SMCO2: variants seen among roughly 807,000 people sequenced by gnomAD.
SMCO2 encodes the protein single-pass membrane and coiled-coil domain-containing protein 2.
A neutral mutation model predicts 29.5 loss-of-function variants in SMCO2; 25 were observed. That is an observed-to-expected ratio of 0.85 (90% confidence interval 0.62 to 1.18). The LOEUF (loss-of-function observed/expected upper bound fraction) is 1.18. SMCO2 is among the 50% of genes most tolerant of loss of function. The pLI, the probability that SMCO2 is intolerant of heterozygous loss-of-function variation, is 0.00. For synonymous variants in SMCO2, 117 were observed against 123.3 expected (o/e 0.95, Z 0.34); for missense variants, 348 against 344.5 (o/e 1.01, Z -0.08).
At chr12:27,445,700 C>T in the SMCO2 span, among the ~76,000 whole-genome samples, 13,364 of 152,244 alleles carry the variant, frequency 0.088, 967 homozygotes, top group African/African-American at 0.2. Flanking sequence ...AGCAAGACCA[C>T]TTACCTTTCC....
the SMCO2 span, among the ~76,000 whole-genome samples, chr12:27,427,229 T>C: frequency 1.3e-5 from 2 of 152,236 alleles, no homozygotes; most frequent in African/African-American, 4.8e-5. Flanking sequence ...TTTTCAAATT[T>C]ATTTGCATCA....
chr12:27,490,973 A>G (rs1949730612), intron 5 of SMCO2, among the ~76,000 whole-genome samples: 1 of 152,162 alleles, frequency 6.6e-6, no homozygotes, highest in Non-Finnish European at 1.5e-5. Flanking sequence ...CAAAAACAAC[A>G]AAATAAATAA....
exon 5 of SMCO2, chr12:27,488,523 C>T (rs890995265): frequency 1.3e-6 from 2 of 1,539,956 alleles, no homozygotes; most frequent in South Asian, 1.2e-5. Flanking sequence ...GGGGCCTTGA[C>T]CTTGATCAAG....
At chr12:27,499,840 C>T (rs966963492) in intron 7 of SMCO2, among the ~76,000 whole-genome samples, 1 of 150,420 alleles carries the variant, frequency 6.6e-6, no homozygotes, top group African/African-American at 2.5e-5. Context: ...TGGATTAATT[C>T]AATCATTATG....
chr12:27,484,557 C>T (rs369227021), intron 4 of SMCO2, among the ~76,000 whole-genome samples: 5 of 151,976 alleles, frequency 3.3e-5, no homozygotes, highest in East Asian at 3.8e-4. Context: ...ATCTGGTTTG[C>T]GTTGTGCCTG....
intron 3 of SMCO2, chr12:27,473,134 T>C (rs1453229047): frequency 5.3e-6 from 2 of 375,036 alleles, no homozygotes; most frequent in East Asian, 5.5e-5. Context: ...TATATGTTAT[T>C]TTTGTCCTCG....
chr12:27,475,834 A>G, intron 4 of SMCO2, 103 bp downstream of exon 5: 2 of 1,124,020 alleles, frequency 1.8e-6, no homozygotes, highest in Non-Finnish European at 2.3e-6. Flanking sequence ...TTTAGGCCAT[A>G]GGTATACTTT....
chr12:27,456,294 TA>T, the SMCO2 span, among the ~76,000 whole-genome samples: 3 of 152,224 alleles, frequency 2.0e-5, no homozygotes, highest in Admixed American at 1.3e-4. Context: ...AACACATGGA[TA>T]AATGTCCTTG....
the SMCO2 span, among the ~76,000 whole-genome samples, chr12:27,460,678 G>A: frequency 1.3e-5 from 2 of 152,064 alleles, no homozygotes; most frequent in Non-Finnish European, 2.9e-5. Flanking sequence ...AGGCACACTC[G>A]GGGTAACTTT....
chr12:27,462,853 T>C (rs946988378), upstream of SMCO2, among the ~76,000 whole-genome samples: 1 of 152,236 alleles, frequency 6.6e-6, no homozygotes, highest in Non-Finnish European at 1.5e-5. Flanking sequence ...TAAGTTTACT[T>C]CCTGAAATCT....
chr12:27,500,633 T>G (rs1381550670), intron 7 of SMCO2, among the ~76,000 whole-genome samples: 2 of 150,822 alleles, frequency 1.3e-5, no homozygotes, highest in African/African-American at 5.0e-5. Context: ...CTAGATAGTT[T>G]TCGTAGTGAG....
At chr12:27,445,574 G>A in the SMCO2 span, among the ~76,000 whole-genome samples, 3 of 152,236 alleles carry the variant, frequency 2.0e-5, no homozygotes, top group South Asian at 2.1e-4. Context: ...AACTTGCAAC[G>A]TAAACTATAT....
At position 27,472,625 on chromosome 12, in the gene SMCO2, T is replaced by C. The variant is rs529768131; in HGVS notation, c.135-151T>C. ...GTGAGATATAATATGTGAGGTGTTA[T>C]TCACCCAGAAAGAACTCAGTACAAG... is the stretch of plus-strand genomic sequence containing the variant. On this transcript the variant is annotated intron_variant, in intron 2 of 7. Coordinates refer to ENST00000298876, the Ensembl canonical transcript of SMCO2. The C allele has an allele frequency of 1.5e-5, 8 of 529,942 alleles. No homozygotes were observed. The Admixed American group carries it at 2.5e-4, about 16-fold the overall frequency. 32.8% of individuals were successfully genotyped at this position (529,942 alleles called of 1,614,324 possible). A position where few individuals can be genotyped will look rare whatever the true frequency, so the allele number is the denominator to read the frequency against.
At chr12:27,458,655 G>A in the SMCO2 span, among the ~76,000 whole-genome samples, 1 of 152,144 alleles carries the variant, frequency 6.6e-6, no homozygotes, top group Non-Finnish European at 1.5e-5. Flanking sequence ...GGAGGCCAAC[G>A]TGGGCGGATC....
chr12:27,458,889 A>G, the SMCO2 span, among the ~76,000 whole-genome samples: 2 of 114,280 alleles, frequency 1.8e-5, no homozygotes, highest in African/African-American at 3.4e-5. Flanking sequence ...CTCTATCTCG[A>G]AAAAAAAAAA....
At chr12:27,470,868 A>C in intron 2 of SMCO2, 103 bp downstream of exon 2, 1 of 1,285,284 alleles carries the variant, frequency 7.8e-7, no homozygotes, top group Non-Finnish European at 1.1e-6. Flanking sequence ...TTCAGAGTCT[A>C]GGTTGACAGT....
At chr12:27,448,792 C>T in the SMCO2 span, among the ~76,000 whole-genome samples, 18 of 152,278 alleles carry the variant, frequency 1.2e-4, no homozygotes, top group South Asian at 1.0e-3. Context: ...ATAATTCACT[C>T]GGAGGTCACT....
At chr12:27,428,576 A>G in the SMCO2 span, among the ~76,000 whole-genome samples, 1 of 149,256 alleles carries the variant, frequency 6.7e-6, no homozygotes, top group East Asian at 2.0e-4. Context: ...TTTTTTTAAA[A>G]TACTCAGCCA....
chr12:27,451,101 C>T, the SMCO2 span, among the ~76,000 whole-genome samples: 2 of 152,196 alleles, frequency 1.3e-5, no homozygotes, highest in Admixed American at 1.3e-4. Context: ...TTTACTACTA[C>T]AGATAGTTAT....
Sources: gnomAD v4.1 joint callset for allele counts (sites outside exome capture counted in the v4.1 genomes callset) on GRCh38, gnomAD v4.1.1 for gene constraint, MANE v1.5 for transcripts, NCBI Gene and HGNC (gene_info 2026-07-23, HGNC 2026-07-21) for gene names.